Variants in CFAP20DC observed in about 807,000 individuals in gnomAD.
CFAP20DC encodes the protein CFAP20 domain containing.
CFAP20DC carries 84 observed loss-of-function variants against 101.7 expected under a neutral mutation model. The ratio of observed to expected loss-of-function variants is 0.83; its 90% confidence interval spans 0.69 to 0.99. The LOEUF (loss-of-function observed/expected upper bound fraction) is 0.99. Among genes scored for constraint, CFAP20DC ranks in the 50% least tolerant of loss-of-function variants. The probability of loss-of-function intolerance (pLI) is 0.00; values close to 1 mark genes in which losing one functional copy is unlikely to be tolerated. For synonymous variants in CFAP20DC, 359 were observed against 351.2 expected, an observed-to-expected ratio of 1.02 and a Z score of -0.25; for missense variants, 1,007 against 970.3, an observed-to-expected ratio of 1.04 and a Z score of -0.50.
chr3:58,854,637 GAT>G (rs1315216069), intron 12 of CFAP20DC, among the ~76,000 whole-genome samples: 9 of 151,966 alleles, frequency 5.9e-5, no homozygotes, highest in African/African-American at 1.9e-4. Flanking sequence ...CCAAAACAGA[GAT>G]ATAGATCAAT....
Position 58,795,661 on chromosome 3 carries a change from G to GA in CFAP20DC, c.2237+10733dup, listed in dbSNP as rs2073188574. Among the ~76,000 whole-genome samples the GA allele has an allele frequency of 2.0e-5, 3 of 152,168 alleles. No homozygotes were observed. Among genetic ancestry groups the GA allele is most frequent in the Non-Finnish European group, 4.4e-5 (3 of 68,022 alleles). ...ACATAGAAAAAGCAAAAGTAATAGC[G>GA]AAAGCCAAGATTCTTCAGGTATCTG... On this transcript the variant is annotated intron_variant, in intron 15 of 16. Transcript: ENST00000482387. The surrounding 1 kb of genome is among the most constrained non-coding windows in gnomAD (Gnocchi z 4.2).
chr3:58,888,719 A>T (rs1373835582), intron 6 of CFAP20DC, among the ~76,000 whole-genome samples: 2 of 152,226 alleles, frequency 1.3e-5, no homozygotes. Context: ...ATGTCCCTGC[A>T]AAGGACAAGA....
chr3:59,000,889 T>G (rs1055403105), intron 4 of CFAP20DC, among the ~76,000 whole-genome samples: 1 of 152,144 alleles, frequency 6.6e-6, no homozygotes, highest in African/African-American at 2.4e-5. Flanking sequence ...AGTTTGGAAC[T>G]CAAATTAAGG....
chr3:58,924,835 G>A (rs544037437), intron 5 of CFAP20DC, among the ~76,000 whole-genome samples: 1 of 152,118 alleles, frequency 6.6e-6, no homozygotes, highest in South Asian at 2.1e-4. Context: ...TATTGATGTG[G>A]AGGATTTTTT....
chr3:58,812,018 C>T (rs1384373152), intron 14 of CFAP20DC, among the ~76,000 whole-genome samples: 1 of 152,088 alleles, frequency 6.6e-6, no homozygotes, highest in Non-Finnish European at 1.5e-5. Context: ...CCATCTCACA[C>T]CAGTTAGAAT....
At chr3:58,803,001 T>C (rs116782229) in intron 15 of CFAP20DC, among the ~76,000 whole-genome samples, 1,842 of 152,010 alleles carry the variant, frequency 0.012, 40 homozygotes, top group African/African-American at 0.042. Flanking sequence ...AAAATGTGCA[T>C]GAAAGACTGG....
At chr3:58,785,051 T>C (rs1162838109) in intron 15 of CFAP20DC, among the ~76,000 whole-genome samples, 1 of 152,140 alleles carries the variant, frequency 6.6e-6, no homozygotes, top group Non-Finnish European at 1.5e-5. Flanking sequence ...AACGAATGAA[T>C]GGATAAAGAA....
rs1235166127 is a variant in CFAP20DC at position 58,722,630 on chromosome 3, A to G, written c.198-5002T>C. On this transcript the variant is annotated intron_variant, in intron 3 of 3. Transcript: ENST00000486145. This position sits in a 1 kb window ranked among gnomAD's most constrained non-coding sequence, Gnocchi z 4.5. ...AGGCAAGACAGGGAATAAACAGGTCACTCCCACAGTTCTCGTTTGCCTTTT... is the reference window on the plus strand; with the variant it reads ...AGGCAAGACAGGGAATAAACAGGTCGCTCCCACAGTTCTCGTTTGCCTTTT... Among the ~76,000 whole-genome samples the G allele has an allele frequency of 3.3e-5, 5 of 152,024 alleles. No homozygotes were observed. The highest frequency in any genetic ancestry group is 1.3e-4 in the Admixed American group (2 of 15,258).
At chr3:58,951,143 G>C (rs891536610) in intron 4 of CFAP20DC, among the ~76,000 whole-genome samples, 107 of 152,224 alleles carry the variant, frequency 7.0e-4, no homozygotes, top group Middle Eastern at 3.4e-3. Context: ...GCAGCCAAAA[G>C]ACACATGAAA....
rs976119106 is a variant in CFAP20DC, at chr3:58,724,247, C to A, written c.198-6619G>T. Among the ~76,000 whole-genome samples the A allele has an allele frequency of 1.3e-5, 2 of 152,068 alleles. No homozygotes were observed. Among genetic ancestry groups the A allele is most frequent in the African/African-American group, 4.8e-5 (2 of 41,402 alleles). Reference sequence around the variant, plus strand: ...CTGGAAAATCACCATGGGGAAGAGACGTGCAAGGTGACTAAAATCTTGGGA... The same window carrying A: ...CTGGAAAATCACCATGGGGAAGAGAAGTGCAAGGTGACTAAAATCTTGGGA... On this transcript the variant is annotated intron_variant, in intron 3 of 3. Coordinates refer to the CFAP20DC transcript ENST00000486145. This position sits in a 1 kb window ranked among gnomAD's most constrained non-coding sequence, Gnocchi z 5.6.
intron 4 of CFAP20DC, among the ~76,000 whole-genome samples, chr3:58,958,293 T>C (rs1023932731): frequency 2.6e-5 from 4 of 152,182 alleles, no homozygotes; most frequent in African/African-American, 9.7e-5. Context: ...ATATAAAATA[T>C]TTTGCATCTG....
intron 4 of CFAP20DC, among the ~76,000 whole-genome samples, chr3:59,023,518 T>C (rs369363090): frequency 2.0e-5 from 3 of 152,052 alleles, no homozygotes; most frequent in African/African-American, 4.8e-5. Flanking sequence ...AGCTGAGAGC[T>C]TGTAAGGTGC....
Position 58,780,820 on chromosome 3 carries a change from C to T in CFAP20DC, c.2237+25575G>A, listed in dbSNP as rs143158139. ...CTAAATCTAAAGGGAGAGATAGACT[C>T]CAATATAATAATAGCTGGGAATTTC... On this transcript the variant is annotated intron_variant, in intron 15 of 16. Transcript: ENST00000482387. 8.8e-4 allele frequency among the ~76,000 whole-genome samples: 133 copies of T among 151,976 alleles called. 1 individual carries two copies. Among genetic ancestry groups the T allele is most frequent in the African/African-American group, 3.0e-3 (126 of 41,490 alleles).
intron 15 of CFAP20DC, among the ~76,000 whole-genome samples, chr3:58,780,123 C>A (rs2071689840): frequency 6.6e-6 from 1 of 152,018 alleles, no homozygotes; most frequent in Non-Finnish European, 1.5e-5. Context: ...AAATATCCTT[C>A]ATAAATGAAA....
At chr3:58,900,989 G>T (rs776809304) in intron 6 of CFAP20DC, among the ~76,000 whole-genome samples, 1 of 152,166 alleles carries the variant, frequency 6.6e-6, no homozygotes, top group Non-Finnish European at 1.5e-5. Flanking sequence ...TAGAGAGTGA[G>T]ATTTATAGAT....
intron 16 of CFAP20DC, among the ~76,000 whole-genome samples, chr3:58,746,666 G>A (rs556019230): frequency 3.1e-4 from 47 of 152,166 alleles, no homozygotes; most frequent in African/African-American, 1.1e-3. Flanking sequence ...TGGGACCCTC[G>A]CGCATTATAA....
intron 14 of CFAP20DC, among the ~76,000 whole-genome samples, chr3:58,808,821 T>A (rs2074347811): frequency 6.6e-6 from 1 of 152,090 alleles, no homozygotes; most frequent in East Asian, 1.9e-4. Flanking sequence ...AGGAAACCCA[T>A]CTCACATGCA....
In CFAP20DC at chr3:58,971,661, A is replaced by G. The variant is rs2091954923; in HGVS notation, c.279-33899T>C. The stretch of plus-strand genomic sequence containing the variant: ...ACTTGGAGGTCCACCATAAGGATCT[A>G]GATAAATAGGTTATGTTCTAGCCAT... On this transcript the variant is annotated intron_variant, in intron 4 of 16. Transcript: ENST00000482387. This position sits in a 1 kb window ranked among gnomAD's most constrained non-coding sequence, Gnocchi z 4.1. Among the ~76,000 whole-genome samples, 2 of 152,182 alleles carry G rather than the reference A, an allele frequency of 1.3e-5. No individual in the cohort carries two copies. The highest frequency in any genetic ancestry group is 4.8e-5 in the African/African-American group (2 of 41,458).
chr3:58,870,409 C>T, intron 7 of CFAP20DC, 100 bp from the exon 8 acceptor site: 1 of 1,114,232 alleles, frequency 9.0e-7, no homozygotes, highest in South Asian at 1.4e-5. Context: ...GCCATAGGAT[C>T]CAAATCCCCC....
Sources: allele counts gnomAD v4.1 joint callset (sites outside exome capture counted in the v4.1 genomes callset), GRCh38; gene constraint gnomAD v4.1.1; non-coding constraint Gnocchi (gnomAD v3.1); transcripts MANE v1.5; gene names NCBI Gene and HGNC (gene_info 2026-07-23, HGNC 2026-07-21).